Variants in CHN2 observed in about 807,000 individuals in gnomAD.
CHN2 encodes the protein beta-chimaerin.
CHN2 carries 35 observed loss-of-function variants against 56.3 expected under a neutral mutation model. The observed-to-expected ratio is 0.62, with a 90% CI of 0.47 to 0.82. The LOEUF is 0.82. Ranked by LOEUF, CHN2 falls within the 40% of genes least tolerant of loss-of-function variation. The probability of loss-of-function intolerance (pLI) is 0.00; values close to 1 mark genes in which losing one functional copy is unlikely to be tolerated. For synonymous variants in CHN2, 210 were observed against 212.8 expected (o/e 0.99, Z 0.12); for missense variants, 491 against 580.5 (o/e 0.85, Z 1.58).
At chr7:29,255,383 T>A (rs1788987901) in intron 1 of CHN2, among the ~76,000 whole-genome samples, 1 of 152,010 alleles carries the variant, frequency 6.6e-6, no homozygotes, top group East Asian at 1.9e-4. Context: ...CAGTCCTAAA[T>A]CTTGGGGCGT....
chr7:29,414,441 T>C (rs191558791), intron 6 of CHN2, among the ~76,000 whole-genome samples: 1 of 152,100 alleles, frequency 6.6e-6, no homozygotes, highest in Non-Finnish European at 1.5e-5. Flanking sequence ...GGCTTTCAGT[T>C]TGTCACCTTC....
At chr7:29,318,944 C>T (rs546264469) in intron 1 of CHN2, among the ~76,000 whole-genome samples, 9 of 152,218 alleles carry the variant, frequency 5.9e-5, no homozygotes, top group Admixed American at 5.9e-4. Flanking sequence ...GCTTATAGCT[C>T]CTGGAAGCTC....
chr7:29,481,330 C>G (rs1459421710), intron 7 of CHN2, among the ~76,000 whole-genome samples: 3 of 152,180 alleles, frequency 2.0e-5, no homozygotes, highest in African/African-American at 7.2e-5. Context: ...CCAAGTGACT[C>G]TTGGAATTAG....
intron 6 of CHN2, 131 bp from the exon 7 acceptor site, chr7:29,480,148 A>T: frequency 6.4e-7 from 1 of 1,572,814 alleles, no homozygotes; most frequent in Non-Finnish European, 8.6e-7. Context: ...AATGAGAAAA[A>T]GTGTGCTGTG....
At chr7:29,402,301 C>T (rs1179951769) in intron 6 of CHN2, among the ~76,000 whole-genome samples, 4 of 152,178 alleles carry the variant, frequency 2.6e-5, no homozygotes, top group African/African-American at 7.2e-5. Context: ...CAGCTGGGCC[C>T]ATGAAAATAT....
chr7:29,233,325 G>T lies in CHN2; in HGVS notation c.49+38335G>T, dbSNP rs114123344. ...CAAATGCTCCACAGCGGCAGCTATT[G>T]TCTTCATCTTTTATTGTTGTCACCT... On this transcript the variant is annotated intron_variant, in intron 1 of 12. Coordinates refer to ENST00000222792, the MANE Select transcript of CHN2 (RefSeq NM_004067.4). Among the ~76,000 whole-genome samples the T allele has an allele frequency of 2.5e-3, 386 of 152,324 alleles. 2 individuals are homozygous for T. Among genetic ancestry groups the T allele is most frequent in the African/African-American group, 9.0e-3 (373 of 41,578 alleles).
intron 6 of CHN2, among the ~76,000 whole-genome samples, chr7:29,462,973 G>A (rs1785278780): frequency 7.6e-6 from 1 of 132,302 alleles, no homozygotes; most frequent in South Asian, 2.4e-4. Flanking sequence ...TCCCAAGGAA[G>A]AGACCTACCT....
chr7:29,213,250 T>G, intron 1 of CHN2: 1 of 991,012 alleles, frequency 1.0e-6, no homozygotes, highest in Non-Finnish European at 1.6e-6. Context: ...AGTTTCACTC[T>G]GGGTAGTGGC....
chr7:29,511,436 A>G (rs1454759255), intron 12 of CHN2, among the ~76,000 whole-genome samples: 1 of 152,180 alleles, frequency 6.6e-6, no homozygotes, highest in East Asian at 1.9e-4. Flanking sequence ...AAATGCTGAC[A>G]CCTTTCAGCT....
At chr7:29,364,650 G>T (rs1213816678) in intron 2 of CHN2, among the ~76,000 whole-genome samples, 1 of 152,220 alleles carries the variant, frequency 6.6e-6, no homozygotes, top group African/African-American at 2.4e-5. Context: ...GAGCTATACT[G>T]GGGTAGCCAG....
At chr7:29,429,635 A>G (rs1472056887) in intron 6 of CHN2, among the ~76,000 whole-genome samples, 1 of 152,206 alleles carries the variant, frequency 6.6e-6, no homozygotes, top group Non-Finnish European at 1.5e-5. Flanking sequence ...TATGTGTTCA[A>G]GGTTCAGTTC....
intron 1 of CHN2, among the ~76,000 whole-genome samples, chr7:29,298,282 C>A (rs529145161): frequency 6.6e-6 from 1 of 152,174 alleles, no homozygotes; most frequent in East Asian, 1.9e-4. Flanking sequence ...GCTCTGTTAA[C>A]CTAGGTTACT....
At chr7:29,271,249 G>T (rs925875709) in intron 1 of CHN2, among the ~76,000 whole-genome samples, 2 of 152,196 alleles carry the variant, frequency 1.3e-5, no homozygotes, top group African/African-American at 4.8e-5. Flanking sequence ...CAACAGTCCG[G>T]AGACAAGTTC....
At chr7:29,407,910 G>A (rs955933298) in intron 6 of CHN2, among the ~76,000 whole-genome samples, 13 of 152,308 alleles carry the variant, frequency 8.5e-5, no homozygotes, top group Admixed American at 3.3e-4. Context: ...GCCCATGGCC[G>A]GGCTTGGTGG....
At chr7:29,354,450 G>T (rs1055074665) in intron 1 of CHN2, among the ~76,000 whole-genome samples, 175 bp from the exon 2 acceptor site, 1 of 152,076 alleles carries the variant, frequency 6.6e-6, no homozygotes, top group African/African-American at 2.4e-5. Context: ...AGTCCACAAG[G>T]TTTCCATGCA....
intron 6 of CHN2, among the ~76,000 whole-genome samples, chr7:29,429,701 G>A (rs898339591): frequency 6.6e-6 from 1 of 152,162 alleles, no homozygotes. Flanking sequence ...ACTTGAGTGG[G>A]TCCTAGTACA....
intron 1 of CHN2, among the ~76,000 whole-genome samples, chr7:29,198,348 G>T (rs1783904046): frequency 6.6e-6 from 1 of 152,216 alleles, no homozygotes; most frequent in Non-Finnish European, 1.5e-5. Flanking sequence ...ATTTTCCTGA[G>T]AATTTGCTCT....
chr7:29,290,346 C>T (rs1438576511), intron 1 of CHN2, among the ~76,000 whole-genome samples: 1 of 152,224 alleles, frequency 6.6e-6, no homozygotes, highest in East Asian at 1.9e-4. Flanking sequence ...GTGTTTATCG[C>T]TCTGTTCCTT....
chr7:29,277,811 C>G (rs893520240), intron 1 of CHN2, among the ~76,000 whole-genome samples: 1 of 152,278 alleles, frequency 6.6e-6, no homozygotes, highest in East Asian at 1.9e-4. Flanking sequence ...GCCTCTCAGC[C>G]CAACTCTCCG....
Sources: gnomAD v4.1 joint callset for allele counts (sites outside exome capture counted in the v4.1 genomes callset) on GRCh38, gnomAD v4.1.1 for gene constraint, MANE v1.5 for transcripts, NCBI Gene and HGNC (gene_info 2026-07-23, HGNC 2026-07-21) for gene names.